The following PCDH11X variants were observed in gnomAD, a reference collection of about 807,000 sequenced individuals.
PCDH11X encodes protocadherin-11 X-linked.
Under a neutral mutation model 53.3 loss-of-function variants are expected in PCDH11X, and 18 were observed. That is an observed-to-expected ratio of 0.34 (90% CI 0.23 to 0.50). PCDH11X has a LOEUF of 0.50. PCDH11X is among the 20% of genes least tolerant of loss of function. The pLI is 0.98. For missense variants in PCDH11X, 570 were observed against 1,032.4 expected (o/e 0.55, Z 6.14); for synonymous variants, 279 against 393.3 (o/e 0.71, Z 3.44).
At chrX:92,193,975 T>C (rs1254382144) in intron 6 of PCDH11X, among the ~76,000 whole-genome samples, 6 of 112,205 alleles carry the variant, frequency 5.3e-5, no homozygotes, top group Non-Finnish European at 9.4e-5. Context: ...AAAATTTTAA[T>C]GCATTCATAG....
intron 6 of PCDH11X, among the ~76,000 whole-genome samples, chrX:92,132,667 ATG>A (rs1481574110): frequency 1.8e-5 from 1 of 55,218 alleles, no homozygotes; most frequent in East Asian, 1.1e-3. Context: ...GTATATATAT[ATG>A]TATATGTATA....
chrX:92,546,709 C>G (rs1420997633), intron 10 of PCDH11X, among the ~76,000 whole-genome samples: 1 of 111,256 alleles, frequency 9.0e-6, no homozygotes, highest in Non-Finnish European at 1.9e-5. Flanking sequence ...ATGTAGGTGT[C>G]TGATGAAATT....
intron 6 of PCDH11X, among the ~76,000 whole-genome samples, chrX:91,907,491 A>G (rs1489503013): frequency 9.4e-6 from 1 of 106,268 alleles, no homozygotes; most frequent in Non-Finnish European, 1.9e-5. Context: ...TTAAATTGCC[A>G]TGGTCTTAAA....
chrX:92,204,669 G>A (rs185036937), intron 7 of PCDH11X, among the ~76,000 whole-genome samples: 2 of 112,258 alleles, frequency 1.8e-5, no homozygotes, highest in Admixed American at 9.5e-5. Flanking sequence ...TTCCAAAGTC[G>A]CTTCCACATT....
intron 6 of PCDH11X, among the ~76,000 whole-genome samples, chrX:92,181,098 G>T (rs6615336): frequency 0.5 from 55,251 of 109,649 alleles, 10,570 homozygotes; most frequent in Non-Finnish European, 0.6. Flanking sequence ...GTTGAATGGC[G>T]TTGACAAAAA....
chrX:92,374,664 G>A (rs990553915), intron 8 of PCDH11X, among the ~76,000 whole-genome samples: 2 of 111,614 alleles, frequency 1.8e-5, no homozygotes, highest in African/African-American at 6.5e-5. Flanking sequence ...TGAGCTTTTT[G>A]TTGGTTCAGT....
At chrX:92,198,695 T>TTATTTTCATGAAAGACTTTATA (rs1219204915) in intron 6 of PCDH11X, among the ~76,000 whole-genome samples, 1 of 111,226 alleles carries the variant, frequency 9.0e-6, no homozygotes, top group Non-Finnish European at 1.9e-5. Context: ...CTGCATCTTA[T>TTATTTTCATGAAAGACTTTATA]TATTTTCATG....
intron 6 of PCDH11X, among the ~76,000 whole-genome samples, chrX:92,064,523 T>TAAAA (rs1262401654): frequency 9.5e-6 from 1 of 104,832 alleles, no homozygotes. Flanking sequence ...AATAAATAAA[T>TAAAA]AAATAGTTTT....
chrX:92,110,785 G>T (rs2064486635), intron 6 of PCDH11X, among the ~76,000 whole-genome samples: 1 of 110,801 alleles, frequency 9.0e-6, no homozygotes, highest in Non-Finnish European at 1.9e-5. Flanking sequence ...GGAACCAAAA[G>T]GGGGAGGCAG....
Position 92,468,301 on chromosome X carries a change from T to C in PCDH11X, c.3346T>C (p.Phe1116Leu). The change falls in exon 10 of 11, where the codon TTC (phenylalanine) becomes CTC (leucine). Residue 1116 changes from phenylalanine to leucine, a missense_variant and splice_region_variant. Transcript: ENST00000682573. ...GDGNSDPEST[F>L]IPGLKKAAEI... ...ACTTTATTAAAATTTCTTTTTAGCT[T>C]TCATACCTGGACTAAAGAAAGGTAC... The C allele has an allele frequency of 8.7e-7, 1 of 1,152,679 alleles. No homozygotes were observed. The allele number at this position is 1,152,679 out of a possible 1,213,427, so 95.0% of individuals were successfully genotyped here.
chrX:91,807,465 T>A (rs895428665), intron 1 of PCDH11X, among the ~76,000 whole-genome samples: 5 of 111,430 alleles, frequency 4.5e-5, no homozygotes, highest in African/African-American at 1.6e-4. Flanking sequence ...TTTGTGTGTG[T>A]GTGTCTGTGA....
chrX:92,147,891 T>C (rs953303168), intron 6 of PCDH11X, among the ~76,000 whole-genome samples: 1 of 97,827 alleles, frequency 1.0e-5, no homozygotes, highest in African/African-American at 3.7e-5. Flanking sequence ...TTTTTCTTTC[T>C]CTTTCCTTTT....
intron 6 of PCDH11X, among the ~76,000 whole-genome samples, chrX:92,056,404 T>C (rs2063450311): frequency 8.9e-6 from 1 of 111,953 alleles, no homozygotes; most frequent in South Asian, 3.7e-4. Flanking sequence ...TTTTGTAAAT[T>C]TAAGTTCCTT....
chrX:92,214,660 G>C (rs1463706758), intron 7 of PCDH11X, among the ~76,000 whole-genome samples: 1 of 111,415 alleles, frequency 9.0e-6, no homozygotes, highest in African/African-American at 3.3e-5. Context: ...ACATAGACAC[G>C]TGCAATTGGT....
intron 6 of PCDH11X, among the ~76,000 whole-genome samples, chrX:91,987,577 A>T (rs1267153091): frequency 9.0e-6 from 1 of 111,541 alleles, no homozygotes; most frequent in African/African-American, 3.3e-5. Flanking sequence ...TTTATATTAC[A>T]AATGATTCAT....
chrX:92,533,784 C>T (rs963777926), intron 10 of PCDH11X, among the ~76,000 whole-genome samples: 5 of 101,605 alleles, frequency 4.9e-5, no homozygotes, highest in Non-Finnish European at 9.9e-5. Flanking sequence ...CTCCAGCAGA[C>T]ACCAACAGAC....
chrX:92,408,743 G>C (rs1229123062), intron 9 of PCDH11X, among the ~76,000 whole-genome samples: 2 of 109,412 alleles, frequency 1.8e-5, no homozygotes, highest in Non-Finnish European at 3.8e-5. Context: ...CCACCATGCC[G>C]GGCTAATTTT....
At chrX:92,534,203 C>A (rs1300363437) in intron 10 of PCDH11X, among the ~76,000 whole-genome samples, 1 of 110,501 alleles carries the variant, frequency 9.0e-6, no homozygotes, top group Non-Finnish European at 1.9e-5. Context: ...GTAGAGAAGA[C>A]CTTAAATGAC....
At chrX:92,075,594 C>T (rs761990488) in intron 6 of PCDH11X, among the ~76,000 whole-genome samples, 37 of 111,860 alleles carry the variant, frequency 3.3e-4, no homozygotes, top group African/African-American at 6.5e-5. Flanking sequence ...ATTATTTTAA[C>T]GACTTTTTAC....
Sources: allele counts gnomAD v4.1 joint callset (sites outside exome capture counted in the v4.1 genomes callset), GRCh38; gene constraint gnomAD v4.1.1; transcripts MANE v1.5; gene names NCBI Gene and HGNC (gene_info 2026-07-23, HGNC 2026-07-21).